LMLN: variants seen among roughly 807,000 people sequenced by gnomAD.
LMLN encodes leishmanolysin like peptidase.
In LMLN, 70 loss-of-function variants were observed where a neutral mutation model predicts 92.3. The observed-to-expected ratio is 0.76, with a 90% confidence interval of 0.63 to 0.92. The LOEUF is 0.92. LMLN is among the 40% of genes least tolerant of loss of function. The pLI, the probability that LMLN is intolerant of heterozygous loss-of-function variation, is 0.00. For missense variants in LMLN, 691 were observed against 814.6 expected, an observed-to-expected ratio of 0.85 and a Z score of 1.85; for synonymous variants, 308 against 296.2, an observed-to-expected ratio of 1.04 and a Z score of -0.41.
intron 11 of LMLN, among the ~76,000 whole-genome samples, chr3:198,017,124 A>G (rs1722660968): frequency 6.6e-6 from 1 of 152,188 alleles, no homozygotes; most frequent in Non-Finnish European, 1.5e-5. Context: ...CTCAAAAACA[A>G]AAAATCGACA....
At chr3:197,968,776 A>G (rs1292665310) in intron 1 of LMLN, among the ~76,000 whole-genome samples, 2 of 152,238 alleles carry the variant, frequency 1.3e-5, no homozygotes, top group African/African-American at 2.4e-5. Context: ...TCTCTGTAGA[A>G]TCAATGTTGT....
chr3:198,022,892 A>G (rs187725361), intron 13 of LMLN, among the ~76,000 whole-genome samples: 7 of 152,298 alleles, frequency 4.6e-5, no homozygotes, highest in Non-Finnish European at 1.0e-4. Context: ...ATATCCTAAC[A>G]ACTTATAACC....
At chr3:197,994,466 A>G (rs1405070946) in intron 9 of LMLN, 1 of 152,242 alleles carries the variant, frequency 6.6e-6, no homozygotes, top group Non-Finnish European at 1.5e-5. Flanking sequence ...GACATTTCTC[A>G]AAAGAAGACA....
intron 1 of LMLN, among the ~76,000 whole-genome samples, chr3:197,965,651 A>G (rs747067515): frequency 1.3e-5 from 2 of 152,246 alleles, no homozygotes; most frequent in African/African-American, 2.4e-5. Context: ...ACAGTCACTC[A>G]TGCCTATAAG....
At chr3:197,961,592 T>G (rs929861154) in intron 1 of LMLN, among the ~76,000 whole-genome samples, 2 of 152,206 alleles carry the variant, frequency 1.3e-5, no homozygotes, top group Non-Finnish European at 2.9e-5. Context: ...GAAAGAGTCC[T>G]GGTCCCTAAT....
chr3:198,016,202 A>C (rs1581171580), intron 11 of LMLN, among the ~76,000 whole-genome samples: 2 of 139,284 alleles, frequency 1.4e-5, no homozygotes, highest in South Asian at 2.5e-4. Flanking sequence ...AACAAAAAAA[A>C]AAAAAAAAAA....
chr3:198,007,207 A>G (rs1176805809), intron 11 of LMLN, among the ~76,000 whole-genome samples: 1 of 152,122 alleles, frequency 6.6e-6, no homozygotes, highest in Non-Finnish European at 1.5e-5. Flanking sequence ...CCAGAATATC[A>G]GTTTGTCCTC....
intron 14 of LMLN, among the ~76,000 whole-genome samples, chr3:198,026,799 T>C (rs180698344): frequency 1.3e-5 from 2 of 152,264 alleles, no homozygotes; most frequent in East Asian, 3.9e-4. Context: ...GAGACTAAGA[T>C]CTGGGCGCTA....
intron 5 of LMLN, 114 bp downstream of exon 5, chr3:197,976,829 C>G: frequency 2.0e-6 from 1 of 492,814 alleles, no homozygotes; most frequent in Non-Finnish European, 3.7e-6. Flanking sequence ...CCTTGGTCTA[C>G]AAAAAGTAAC....
chr3:198,038,921 C>T (rs1250246887), exon 16 of LMLN: 1 of 338,906 alleles, frequency 3.0e-6, no homozygotes, highest in African/African-American at 2.7e-5. Context: ...ACCCAACCAC[C>T]TCGTCAGCAA....
At chr3:198,040,836 C>T (rs1723383275) in exon 16 of LMLN, 1 of 130,474 alleles carries the variant, frequency 7.7e-6, no homozygotes, top group African/African-American at 3.0e-5. Context: ...GTAACCACAA[C>T]CCTCGGACAG....
At chr3:197,997,676 A>G (rs1392749746) in intron 10 of LMLN, among the ~76,000 whole-genome samples, 1 of 152,198 alleles carries the variant, frequency 6.6e-6, no homozygotes, top group Non-Finnish European at 1.5e-5. Context: ...TCATCACAAA[A>G]TAGTCACATG....
intron 11 of LMLN, among the ~76,000 whole-genome samples, chr3:198,005,325 A>G (rs1003768223): frequency 6.6e-6 from 1 of 151,942 alleles, no homozygotes. Context: ...CATATCATAC[A>G]TGTATATATA....
chr3:198,032,605 C>T (rs1053863157), intron 14 of LMLN, among the ~76,000 whole-genome samples: 1 of 152,128 alleles, frequency 6.6e-6, no homozygotes, highest in East Asian at 1.9e-4. Context: ...ACAGTCATGG[C>T]GGAAGGCAGA....
In LMLN at chr3:198,031,310, A is replaced by G. The variant is rs6765427; in HGVS notation, c.1657-4523A>G. On this transcript the variant is annotated intron_variant, in intron 14 of 15. Transcript: ENST00000330198. This position sits in a 1 kb window ranked among gnomAD's most constrained non-coding sequence, Gnocchi z 4.8. ...CCAAATTCTTTGGCTTTGACTCCCC[A>G]TATTGGTGATAAAAATGTTTGTTTT... Among the ~76,000 whole-genome samples, 42,881 of 152,122 alleles carry G rather than the reference A, an allele frequency of 0.28. 9,124 individuals carry two copies. The highest frequency in any genetic ancestry group is 0.6 in the African/African-American group (25,009 of 41,460).
At chr3:197,978,657 T>C (rs924979466) in intron 5 of LMLN, among the ~76,000 whole-genome samples, 1 of 151,898 alleles carries the variant, frequency 6.6e-6, no homozygotes, top group African/African-American at 2.4e-5. Context: ...AGATAAATAA[T>C]AATATCTCAG....
intron 13 of LMLN, among the ~76,000 whole-genome samples, chr3:198,023,160 T>C (rs975629311): frequency 3.3e-5 from 5 of 150,878 alleles, no homozygotes; most frequent in Admixed American, 2.0e-4. Flanking sequence ...GCCTGAGGGT[T>C]GCAGTTTGCT....
chr3:197,995,635 T>C (rs1184413994), intron 9 of LMLN, among the ~76,000 whole-genome samples: 2 of 151,314 alleles, frequency 1.3e-5, no homozygotes, highest in South Asian at 2.1e-4. Context: ...GGTGTAACAC[T>C]TTTTTTTTCT....
Position 197,996,164 on chromosome 3 carries a change from C to G in LMLN, c.1048-11C>G. On this transcript the variant is annotated splice_polypyrimidine_tract_variant and intron_variant, in intron 9 of 15. Coordinates refer to ENST00000330198, the Ensembl canonical transcript of LMLN. ...ACCATATTTGTTTCTGATTTTTTTT[C>G]TGGTTCTTAGGAGGAAGCACGAAAA... 1 of 1,492,092 alleles carries G rather than the reference C, an allele frequency of 6.7e-7. No homozygotes were observed. The highest frequency in any genetic ancestry group is 9.0e-7 in the Non-Finnish European group (1 of 1,111,636). The allele number at this position is 1,492,092 out of a possible 1,614,324, so 92.4% of individuals were successfully genotyped here. A position where few individuals can be genotyped will look rare whatever the true frequency, so the allele number is the denominator to read the frequency against.
Sources: gnomAD v4.1 joint callset for allele counts (sites outside exome capture counted in the v4.1 genomes callset) on GRCh38, gnomAD v4.1.1 for gene constraint, Gnocchi (gnomAD v3.1) non-coding constraint, MANE v1.5 for transcripts, NCBI Gene and HGNC (gene_info 2026-07-23, HGNC 2026-07-21) for gene names.